ALKBH3: variants seen among roughly 807,000 people sequenced by gnomAD.
ALKBH3 encodes the protein alkB homolog 3, alpha-ketoglutarate dependent dioxygenase.
A neutral mutation model predicts 43.9 loss-of-function variants in ALKBH3; 51 were observed. The observed-to-expected ratio is 1.16, with a 90% CI of 0.93 to 1.47. The LOEUF is 1.47. Among genes scored for constraint, ALKBH3 ranks in the 40% most tolerant of loss-of-function variants. ALKBH3 has a pLI of 0.00. For synonymous variants in ALKBH3, 102 were observed against 115.2 expected (o/e 0.89, Z 0.73); for missense variants, 361 against 351.9 (o/e 1.03, Z -0.21).
intron 7 of ALKBH3, 106 bp downstream of exon 7, chr11:43,892,235 A>C (rs1951789120): frequency 1.0e-6 from 1 of 983,166 alleles, no homozygotes; most frequent in African/African-American, 1.7e-5. Context: ...GCTGGTTCCT[A>C]GTTCAAAAAA....
intron 8 of ALKBH3, among the ~76,000 whole-genome samples, chr11:43,905,674 T>C (rs1289391668): frequency 6.6e-6 from 1 of 152,238 alleles, no homozygotes; most frequent in African/African-American, 2.4e-5. Context: ...GGCTATATTG[T>C]CTTAAGACTG....
chr11:43,899,329 C>T, intron 7 of ALKBH3: 1 of 696,118 alleles, frequency 1.4e-6, no homozygotes, highest in Non-Finnish European at 2.7e-6. Context: ...AGTGGAAATT[C>T]CACAGCATGC....
At chr11:43,895,692 C>T (rs7117395) in intron 7 of ALKBH3, among the ~76,000 whole-genome samples, 4,034 of 152,210 alleles carry the variant, frequency 0.027, 73 homozygotes, top group Non-Finnish European at 0.039. Flanking sequence ...AATACTAAGT[C>T]TGTATGGTAT....
At chr11:43,885,936 A>G (rs576202798) in intron 4 of ALKBH3, among the ~76,000 whole-genome samples, 2 of 152,284 alleles carry the variant, frequency 1.3e-5, no homozygotes, top group South Asian at 2.1e-4. Flanking sequence ...TGAAAGGTGA[A>G]TGAGAGTTTT....
At chr11:43,897,956 C>G in intron 7 of ALKBH3, 1 of 785,318 alleles carries the variant, frequency 1.3e-6, no homozygotes. Flanking sequence ...GGAGGCATAA[C>G]CTTTGTGCCC....
intron 8 of ALKBH3, among the ~76,000 whole-genome samples, chr11:43,911,663 A>G (rs1418567503): frequency 1.3e-5 from 2 of 152,216 alleles, no homozygotes; most frequent in African/African-American, 4.8e-5. Context: ...AGTTGATGCC[A>G]TTATTATTTC....
chr11:43,896,157 A>G (rs1565125064), intron 7 of ALKBH3, among the ~76,000 whole-genome samples: 1 of 151,988 alleles, frequency 6.6e-6, no homozygotes, highest in African/African-American at 2.4e-5. Flanking sequence ...AATGGACAAG[A>G]TTTTTTTTAC....
chr11:43,916,815 G>A (rs1216028076), intron 8 of ALKBH3: 1 of 152,258 alleles, frequency 6.6e-6, no homozygotes, highest in Non-Finnish European at 1.5e-5. Flanking sequence ...TTCAGTTGAA[G>A]GGTGGCTCTA....
intron 6 of ALKBH3, 151 bp downstream of exon 6, chr11:43,889,979 G>T: frequency 1.5e-6 from 1 of 649,302 alleles, no homozygotes; most frequent in African/African-American, 1.8e-5. Context: ...AAAAAGGACA[G>T]GGAAGAGTAT....
At chr11:43,902,272 A>G (rs992186370) in intron 8 of ALKBH3, among the ~76,000 whole-genome samples, 3 of 152,218 alleles carry the variant, frequency 2.0e-5, no homozygotes, top group Non-Finnish European at 4.4e-5. Flanking sequence ...GAGGAAACTC[A>G]AGCCAGATTA....
intron 8 of ALKBH3, among the ~76,000 whole-genome samples, chr11:43,914,694 G>T (rs1002504143): frequency 6.6e-6 from 1 of 152,160 alleles, no homozygotes; most frequent in African/African-American, 2.4e-5. Context: ...TAAAATTTTT[G>T]AGCTATTCCA....
chr11:43,919,242 C>A, intron 9 of ALKBH3, 106 bp downstream of exon 9: 1 of 950,428 alleles, frequency 1.1e-6, no homozygotes, highest in Non-Finnish European at 1.7e-6. Flanking sequence ...GCTTTTACAA[C>A]GAGCAAGAGG....
intron 7 of ALKBH3, chr11:43,897,581 G>A: frequency 1.3e-6 from 1 of 797,966 alleles, no homozygotes. Flanking sequence ...GTGACACTGT[G>A]AATGAATTCA....
chr11:43,889,750 G>T lies in ALKBH3; in HGVS notation c.292G>T (p.Asp98Tyr). ...SRVCLYPGFV[D>Y]VKEADWILEQ... is the part of the protein sequence containing the mutation. ...GGTCTGTTTGTATCCTGGCTTTGTT[G>T]ACGTGAAAGAAGCTGACTGGATATT... The change falls in exon 6 of 10, where the codon GAC becomes TAC. Residue 98 changes from aspartate to tyrosine, a missense_variant. By Grantham distance (160) the Asp-to-Tyr change is radical. Transcript: ENST00000302708. 6.2e-7 allele frequency: 1 copy of T among 1,613,962 alleles called. No homozygotes were observed. Among genetic ancestry groups the T allele is most frequent in the Non-Finnish European group, 8.5e-7 (1 of 1,179,972 alleles).
chr11:43,884,113 C>A, intron 4 of ALKBH3, 96 bp downstream of exon 4: 2 of 1,423,960 alleles, frequency 1.4e-6, no homozygotes, highest in Non-Finnish European at 2.0e-6. Flanking sequence ...AAGAGAATGG[C>A]CCAATAAGTG....
chr11:43,910,000 A>G (rs948904828), intron 8 of ALKBH3: 1 of 152,304 alleles, frequency 6.6e-6, no homozygotes, highest in Non-Finnish European at 1.5e-5. Flanking sequence ...CTCAGTCATC[A>G]TCTCTCTTCC....
intron 5 of ALKBH3, among the ~76,000 whole-genome samples, chr11:43,887,330 A>G (rs956679441): frequency 5.3e-5 from 8 of 152,232 alleles, no homozygotes; most frequent in African/African-American, 1.9e-4. Flanking sequence ...TTTTTGAGAC[A>G]GAGTTTTGCT....
chr11:43,913,062 G>A (rs2135203897), intron 8 of ALKBH3, among the ~76,000 whole-genome samples: 1 of 148,424 alleles, frequency 6.7e-6, no homozygotes, highest in Non-Finnish European at 1.5e-5. Flanking sequence ...AATTCTTTAT[G>A]ATAGACAGAC....
At chr11:43,899,089 T>A in intron 7 of ALKBH3, 1 of 755,330 alleles carries the variant, frequency 1.3e-6, no homozygotes. Flanking sequence ...AATTTTGACA[T>A]GTACAAAGGG....
Sources: gnomAD v4.1 joint callset for allele counts (sites outside exome capture counted in the v4.1 genomes callset) on GRCh38, gnomAD v4.1.1 for gene constraint, MANE v1.5 for transcripts, NCBI Gene and HGNC (gene_info 2026-07-23, HGNC 2026-07-21) for gene names.